The following VOPP1 variants were observed in gnomAD, a reference collection of about 807,000 sequenced individuals.
The protein encoded by VOPP1 is VOPP1 WW domain binding protein, also known as WW domain binding protein VOPP1.
VOPP1 carries 8 observed loss-of-function variants against 23.5 expected under a neutral mutation model. The ratio of observed to expected loss-of-function variants is 0.34; its 90% CI spans 0.20 to 0.61. The LOEUF (loss-of-function observed/expected upper bound fraction) is 0.61. Among genes scored for constraint, VOPP1 ranks in the 20% least tolerant of loss-of-function variants. VOPP1 has a pLI of 0.78. For synonymous variants in VOPP1, 83 were observed against 97.3 expected, an observed-to-expected ratio of 0.85 and a Z score of 0.86; for missense variants, 174 against 238.1, an observed-to-expected ratio of 0.73 and a Z score of 1.77.
intron 2 of VOPP1, among the ~76,000 whole-genome samples, chr7:55,511,253 TA>T (rs1485317893): frequency 1.3e-5 from 2 of 152,186 alleles, no homozygotes; most frequent in African/African-American, 4.8e-5. Flanking sequence ...CAGGCAATGA[TA>T]GCCTATTATC....
chr7:55,451,982 T>C (rs972068604), intron 4 of VOPP1, among the ~76,000 whole-genome samples: 1 of 152,316 alleles, frequency 6.6e-6, no homozygotes, highest in Non-Finnish European at 1.5e-5. Flanking sequence ...GTCTGCCGCA[T>C]TGATTGACTT....
chr7:55,451,331 G>A (rs1791238236), intron 4 of VOPP1, among the ~76,000 whole-genome samples: 1 of 152,200 alleles, frequency 6.6e-6, no homozygotes, highest in South Asian at 2.1e-4. Context: ...AATGTTGCAG[G>A]TTCAGTTCCA....
At chr7:55,510,003 T>C (rs918785322) in intron 2 of VOPP1, among the ~76,000 whole-genome samples, 4 of 152,218 alleles carry the variant, frequency 2.6e-5, no homozygotes, top group African/African-American at 9.6e-5. Flanking sequence ...GTCGTCATAC[T>C]GTTCCTAGAC....
chr7:55,448,666 G>A (rs1009909394), intron 4 of VOPP1, among the ~76,000 whole-genome samples: 2 of 152,206 alleles, frequency 1.3e-5, no homozygotes, highest in Admixed American at 1.3e-4. Context: ...AGGGAAGGGA[G>A]AGACCTTGGG....
chr7:55,570,281 C>T (rs529293226), intron 1 of VOPP1, among the ~76,000 whole-genome samples: 4 of 152,178 alleles, frequency 2.6e-5, no homozygotes, highest in African/African-American at 9.7e-5. Flanking sequence ...CTCAGAGAGA[C>T]GCCTCTCCAG....
chr7:55,567,259 T>C (rs530586221), intron 1 of VOPP1, among the ~76,000 whole-genome samples: 1 of 152,284 alleles, frequency 6.6e-6, no homozygotes, highest in Admixed American at 6.5e-5. Context: ...AATCAATAAA[T>C]CAGAGCAAAA....
chr7:55,545,903 T>C (rs1487228360), intron 1 of VOPP1, among the ~76,000 whole-genome samples: 2 of 141,764 alleles, frequency 1.4e-5, no homozygotes, highest in East Asian at 3.9e-4. Context: ...ACCCCAACTC[T>C]ACAAAAAAAA....
At chr7:55,496,623 T>G (rs982767594) in intron 3 of VOPP1, among the ~76,000 whole-genome samples, 1 of 152,072 alleles carries the variant, frequency 6.6e-6, no homozygotes, top group Non-Finnish European at 1.5e-5. Context: ...AAAGAAGGCA[T>G]CACTATTAAA....
intron 4 of VOPP1, among the ~76,000 whole-genome samples, chr7:55,458,798 T>C (rs1246770744): frequency 6.6e-6 from 1 of 152,152 alleles, no homozygotes; most frequent in Non-Finnish European, 1.5e-5. Context: ...AGGTTGTCTA[T>C]ATATAAGATC....
At chr7:55,554,737 G>A (rs1278748965) in intron 1 of VOPP1, among the ~76,000 whole-genome samples, 1 of 152,190 alleles carries the variant, frequency 6.6e-6, no homozygotes, top group Non-Finnish European at 1.5e-5. Flanking sequence ...CCTGGAGGAG[G>A]TCTCTGTTAG....
At chr7:55,445,995 T>C (rs1288803497) in intron 4 of VOPP1, among the ~76,000 whole-genome samples, 2 of 148,868 alleles carry the variant, frequency 1.3e-5, no homozygotes, top group Non-Finnish European at 3.0e-5. Flanking sequence ...GTGAAACTTT[T>C]TTTTTTTTTT....
At chr7:55,527,935 G>C (rs55849534) in intron 1 of VOPP1, among the ~76,000 whole-genome samples, 5 of 56,754 alleles carry the variant, frequency 8.8e-5, no homozygotes, top group Admixed American at 2.3e-4. Flanking sequence ...TTGCAGACAA[G>C]AGCATAAGGG....
intron 4 of VOPP1, among the ~76,000 whole-genome samples, chr7:55,480,182 A>G (rs1244218490): frequency 6.6e-6 from 1 of 152,258 alleles, no homozygotes; most frequent in East Asian, 1.9e-4. Flanking sequence ...ATTCATTAAA[A>G]TGAATTGTTT....
At position 55,479,442 on chromosome 7, in the gene VOPP1, T is replaced by A. The variant is rs534898950; in HGVS notation, c.329-6397A>T. ...TTCTGTGTCCTCTGAGCTTTCTAGT[T>A]TGGTTTGGTTTGAGGTTGTATCTGT... On this transcript the variant is annotated intron_variant, in intron 4 of 4. Transcript: ENST00000285279. Among the ~76,000 whole-genome samples, 64 of 152,202 alleles carry A rather than the reference T, an allele frequency of 4.2e-4. 1 individual carries two copies. In the South Asian group the frequency reaches 0.013, roughly 31 times the overall value.
chr7:55,482,867 T>C (rs1792846028), intron 4 of VOPP1, among the ~76,000 whole-genome samples: 1 of 152,242 alleles, frequency 6.6e-6, no homozygotes, highest in Non-Finnish European at 1.5e-5. Context: ...TTTTCTTTCC[T>C]AGCTGTATAA....
At chr7:55,475,092 C>CTGTA (rs1380837488) in intron 4 of VOPP1, among the ~76,000 whole-genome samples, 66 of 152,052 alleles carry the variant, frequency 4.3e-4, no homozygotes, top group African/African-American at 1.4e-3. Context: ...TAGGAGGGGA[C>CTGTA]GGGTGGCAGC....
chr7:55,496,311 G>GT (rs1325101735), intron 3 of VOPP1, among the ~76,000 whole-genome samples: 1 of 124 alleles, frequency 8.1e-3, no homozygotes, highest in African/African-American at 0.026. Context: ...GGAGGCTCCG[G>GT]AGCAAGGCCT....
chr7:55,483,064 G>A (rs1470947241), intron 4 of VOPP1, among the ~76,000 whole-genome samples: 3 of 152,168 alleles, frequency 2.0e-5, no homozygotes, highest in Non-Finnish European at 2.9e-5. Context: ...CTTTCACTCC[G>A]GCTCTGCAGA....
intron 1 of VOPP1, chr7:55,562,094 T>G: frequency 1.4e-6 from 1 of 702,682 alleles, no homozygotes. Flanking sequence ...TGCAGGTAAT[T>G]GTTCGAAACT....
Sources: allele counts gnomAD v4.1 joint callset (sites outside exome capture counted in the v4.1 genomes callset), GRCh38; gene constraint gnomAD v4.1.1; transcripts MANE v1.5; gene names NCBI Gene and HGNC (gene_info 2026-07-23, HGNC 2026-07-21).